CACNA1E: variants seen among roughly 807,000 people sequenced by gnomAD.
The protein encoded by CACNA1E is voltage-dependent R-type calcium channel subunit alpha-1E.
Under a neutral mutation model 259.2 loss-of-function variants are expected in CACNA1E, and 40 were observed. The observed-to-expected ratio is 0.15, with a 90% CI of 0.12 to 0.20. The LOEUF is 0.20. Ranked by LOEUF, CACNA1E falls within the 10% of genes least tolerant of loss-of-function variation. CACNA1E has a pLI of 1.00. For missense variants in CACNA1E, 1,874 were observed against 3,040.1 expected (o/e 0.62, Z 9.02); for synonymous variants, 1,104 against 1,138.5 (o/e 0.97, Z 0.61).
intron 38 of CACNA1E, among the ~76,000 whole-genome samples, chr1:181,780,847 G>A (rs565000556): frequency 5.9e-5 from 9 of 152,192 alleles, no homozygotes; most frequent in South Asian, 2.1e-4. Flanking sequence ...GCAAGACGCC[G>A]CCTCCTGCTG....
At chr1:181,443,951 C>T (rs992242333) in intron 2 of CACNA1E, among the ~76,000 whole-genome samples, 3 of 152,226 alleles carry the variant, frequency 2.0e-5, no homozygotes, top group African/African-American at 7.2e-5. Context: ...TGAAGATTTT[C>T]TGGGGCCAGA....
Position 181,410,120 on chromosome 1 carries a change from A to G in CACNA1E, c.-14-3013A>G, listed in dbSNP as rs541283208. 3.9e-5 allele frequency among the ~76,000 whole-genome samples: 6 copies of G among 152,260 alleles called. No individual in the cohort carries two copies. The East Asian group carries it at 1.2e-3, about 29-fold the overall frequency. On this transcript the variant is annotated intron_variant, in intron 1 of 11. Coordinates refer to the CACNA1E transcript ENST00000524607. ...TAAGGCCTGGGGAGGGAGTGGGAGC[A>G]GCAGGGGAGGGGTGTGCGCGTGCAT...
intron 45 of CACNA1E, among the ~76,000 whole-genome samples, chr1:181,794,663 C>T (rs962116074): frequency 1.1e-4 from 17 of 152,218 alleles, no homozygotes; most frequent in African/African-American, 4.1e-4. Flanking sequence ...TTTCCAGTGA[C>T]TATATTAACA....
intron 44 of CACNA1E, among the ~76,000 whole-genome samples, chr1:181,792,264 C>T (rs1661387094): frequency 6.6e-6 from 1 of 152,178 alleles, no homozygotes; most frequent in Non-Finnish European, 1.5e-5. Flanking sequence ...AGGGCTGAGC[C>T]GTAGTGCCAG....
chr1:181,439,684 C>G (rs1660326596), intron 2 of CACNA1E, among the ~76,000 whole-genome samples: 1 of 152,114 alleles, frequency 6.6e-6, no homozygotes, highest in African/African-American at 2.4e-5. Flanking sequence ...GGCATTTCCC[C>G]ACAAAAGGGC....
intron 6 of CACNA1E, among the ~76,000 whole-genome samples, chr1:181,602,439 A>G (rs531177474): frequency 6.2e-4 from 95 of 152,288 alleles, no homozygotes; most frequent in African/African-American, 2.1e-3. Flanking sequence ...TGCTCCAATG[A>G]GCATTTCTTG....
intron 6 of CACNA1E, among the ~76,000 whole-genome samples, chr1:181,590,906 T>A (rs1263792818): frequency 6.6e-6 from 1 of 152,224 alleles, no homozygotes; most frequent in African/African-American, 2.4e-5. Context: ...ATATATCTTT[T>A]AACTACCACA....
intron 1 of CACNA1E, among the ~76,000 whole-genome samples, chr1:181,504,304 C>T (rs1465703376): frequency 6.6e-6 from 1 of 152,048 alleles, no homozygotes; most frequent in Non-Finnish European, 1.5e-5. Flanking sequence ...CCAGGAAGTG[C>T]CTGAGTGCCC....
chr1:181,322,121 C>T (rs1650402804), intron 1 of CACNA1E, among the ~76,000 whole-genome samples: 1 of 152,128 alleles, frequency 6.6e-6, no homozygotes, highest in Admixed American at 6.5e-5. Flanking sequence ...CAGCCCAGTT[C>T]TGGTCTGGAA....
chr1:181,768,285 A>G (rs923080676), intron 35 of CACNA1E, among the ~76,000 whole-genome samples: 3 of 152,200 alleles, frequency 2.0e-5, no homozygotes, highest in African/African-American at 7.2e-5. Flanking sequence ...ACGCTGTACT[A>G]AATGTATGCA....
At chr1:181,493,207 A>G (rs1664465214) in intron 1 of CACNA1E, among the ~76,000 whole-genome samples, 1 of 152,252 alleles carries the variant, frequency 6.6e-6, no homozygotes, top group South Asian at 2.1e-4. Flanking sequence ...ATGTTAAAAA[A>G]TTCCCACAAT....
At chr1:181,376,222 A>G (rs1655087716) in intron 1 of CACNA1E, among the ~76,000 whole-genome samples, 1 of 152,172 alleles carries the variant, frequency 6.6e-6, no homozygotes, top group South Asian at 2.1e-4. Flanking sequence ...ATATTTTAGG[A>G]CAAACCTTCC....
chr1:181,603,560 C>G (rs1014803037), intron 6 of CACNA1E, among the ~76,000 whole-genome samples: 3 of 152,022 alleles, frequency 2.0e-5, no homozygotes, highest in African/African-American at 7.3e-5. Context: ...CCCCCTCCCC[C>G]GCCCCCGCCA....
intron 6 of CACNA1E, among the ~76,000 whole-genome samples, chr1:181,614,104 A>G (rs1654997068): frequency 6.6e-6 from 1 of 152,212 alleles, no homozygotes; most frequent in Non-Finnish European, 1.5e-5. Context: ...CCCATGTAAA[A>G]GCTGCATTTT....
At position 181,732,964 on chromosome 1, in the gene CACNA1E, C is replaced by T; in HGVS notation, c.2878C>T (p.His960Tyr). The T allele has an allele frequency of 6.2e-7, 1 of 1,613,990 alleles. No homozygotes were observed. The highest frequency in any genetic ancestry group is 8.5e-7 in the Non-Finnish European group (1 of 1,179,886). Residue 960 changes from histidine to tyrosine, a missense_variant, in exon 20 of 48, where the codon CAT becomes TAT. Physicochemically the swap from His to Tyr is moderately conservative, Grantham distance 83 (BLOSUM62 2). Transcript: ENST00000367573. The surrounding 1 kb of genome is among the most constrained non-coding windows in gnomAD (Gnocchi z 5.5). The stretch of plus-strand genomic sequence containing the variant: ...CATGCCCACTGAAGGGGAGAAGGAC[C>T]ATGAGCTCAGGGGCAACCATGGTGC... ...EAMPTEGEKD[H>Y]ELRGNHGAKE... is the part of the protein sequence containing the mutation.
At chr1:181,569,844 A>G (rs1650227665) in intron 3 of CACNA1E, among the ~76,000 whole-genome samples, 2 of 152,246 alleles carry the variant, frequency 1.3e-5, no homozygotes, top group African/African-American at 4.8e-5. Context: ...GGTTTCTGCC[A>G]TCAGGGAGCT....
rs192259004 is a variant in CACNA1E at position 181,631,327 on chromosome 1, T to G, written c.952-20011T>G. On this transcript the variant is annotated intron_variant, in intron 6 of 47. Coordinates refer to ENST00000367573, the MANE Select transcript of CACNA1E (RefSeq NM_001205293.3). ...AGGGTGATGACTTTTGAGAAAGTCT[T>G]GTAGGACCATTCAAACCTTCAGGCT... Among the ~76,000 whole-genome samples the G allele has an allele frequency of 6.6e-5, 10 of 152,300 alleles. No homozygotes were observed. In the East Asian group the frequency reaches 1.5e-3, roughly 24 times the overall value.
chr1:181,608,561 CTG>C (rs1654448893), intron 6 of CACNA1E, among the ~76,000 whole-genome samples: 2 of 152,086 alleles, frequency 1.3e-5, no homozygotes, highest in South Asian at 4.1e-4. Flanking sequence ...GACCAGAACA[CTG>C]TTGTGACCAC....
At chr1:181,567,447 G>A (rs2102918811) in intron 3 of CACNA1E, among the ~76,000 whole-genome samples, 1 of 152,256 alleles carries the variant, frequency 6.6e-6, no homozygotes, top group Non-Finnish European at 1.5e-5. Flanking sequence ...CCACCAAGCT[G>A]TAAAACAAAT....
Sources: allele counts gnomAD v4.1 joint callset (sites outside exome capture counted in the v4.1 genomes callset), GRCh38; gene constraint gnomAD v4.1.1; non-coding constraint Gnocchi (gnomAD v3.1); transcripts MANE v1.5; gene names NCBI Gene and HGNC (gene_info 2026-07-23, HGNC 2026-07-21).